NFU1: variants seen among roughly 807,000 people sequenced by gnomAD.
NFU1 encodes the protein NFU1 iron-sulfur cluster scaffold.
In NFU1, 30 loss-of-function variants were observed where a neutral mutation model predicts 32.2. The ratio of observed to expected loss-of-function variants is 0.93; its 90% CI spans 0.70 to 1.26. The LOEUF (loss-of-function observed/expected upper bound fraction) is 1.26, where lower values mean the gene tolerates loss of function less well. NFU1 is among the 50% of genes most tolerant of loss of function. The pLI is 0.00. For missense variants in NFU1, 306 were observed against 306.6 expected, an observed-to-expected ratio of 1.00 and a Z score of 0.02; for synonymous variants, 112 against 104.6, an observed-to-expected ratio of 1.07 and a Z score of -0.43.
At chr2:69,421,658 C>G (rs1046382785) in intron 3 of NFU1, among the ~76,000 whole-genome samples, 3 of 148,324 alleles carry the variant, frequency 2.0e-5, no homozygotes, top group African/African-American at 5.0e-5. Context: ...AGCTCTGCCT[C>G]CCGGGTTCAT....
At position 69,425,505 on chromosome 2, in the gene NFU1, C is replaced by T. The variant is rs551541600; in HGVS notation, c.167-1788G>A. Among the ~76,000 whole-genome samples, 175 of 151,960 alleles carry T rather than the reference C, an allele frequency of 1.2e-3. 2 individuals carry two copies. The highest frequency in any genetic ancestry group is 3.9e-3 in the African/African-American group (163 of 41,448). ...GAGTAGCTGGGATTATAGGCATGCA[C>T]CACCATGCCCGGCTAATTTTTGTAT... On this transcript the variant is annotated intron_variant, in intron 2 of 7. Transcript: ENST00000410022.
chr2:69,403,072 C>T lies in NFU1; in HGVS notation c.546-2534G>A, dbSNP rs112760094. Among the ~76,000 whole-genome samples, 147 of 148,870 alleles carry T rather than the reference C, an allele frequency of 9.9e-4. 2 individuals carry two copies. The highest frequency in any genetic ancestry group is 3.3e-3 in the African/African-American group (135 of 40,588). ...TTCTCTCTTTCTTTCATTGTAGAGA[C>T]GGGGTCTCACTATGTTGCCCAGGCT... On this transcript the variant is annotated intron_variant, in intron 6 of 7. Transcript: ENST00000410022.
At chr2:69,413,215 G>T (rs1672944667) in intron 5 of NFU1, among the ~76,000 whole-genome samples, 1 of 151,604 alleles carries the variant, frequency 6.6e-6, no homozygotes, top group Non-Finnish European at 1.5e-5. Flanking sequence ...AACCCAGGAG[G>T]TGGAGGTTGT....
upstream of NFU1, among the ~76,000 whole-genome samples, chr2:69,438,475 C>G (rs1202359120): frequency 2.0e-5 from 3 of 152,062 alleles, no homozygotes; most frequent in Admixed American, 6.5e-5. Context: ...CCTGTGTTGC[C>G]TGGGCTGCTC....
intron 7 of NFU1, among the ~76,000 whole-genome samples, chr2:69,398,665 T>C (rs1188131288): frequency 6.6e-6 from 1 of 152,222 alleles, no homozygotes; most frequent in Admixed American, 6.5e-5. Flanking sequence ...CCTCCTGGTA[T>C]ATAAGCCCTG....
chr2:69,423,792 T>G (rs916757651), intron 2 of NFU1, 75 bp from the exon 3 acceptor site: 1 of 1,099,070 alleles, frequency 9.1e-7, no homozygotes, highest in Non-Finnish European at 1.4e-6. Flanking sequence ...AGTGCTCATT[T>G]GCAGAGAATC....
In NFU1 at chr2:69,437,419, C is replaced by T. The variant is rs750378027; in HGVS notation, c.4G>A (p.Ala2Thr). ...CCCCAGCCCCGCCTGGCCGTCGCCG[C>T]CATCTTAGTCCGGAGTGCCTAAGGG... is the stretch of plus-strand genomic sequence containing the variant. The part of the protein sequence containing the change: M[A>T]ATARRGWGAA... Residue 2 changes from alanine (A) to threonine (T), a missense_variant, in exon 1 of 8, where the codon GCG (alanine) becomes ACG (threonine). Coordinates refer to ENST00000410022, the MANE Select transcript of NFU1 (RefSeq NM_001002755.4). 1 of 1,610,638 alleles carries T rather than the reference C, an allele frequency of 6.2e-7. No homozygotes were observed. Among genetic ancestry groups the T allele is most frequent in the South Asian group, 1.1e-5 (1 of 90,952 alleles).
At chr2:69,426,774 T>C (rs955415197) in intron 2 of NFU1, among the ~76,000 whole-genome samples, 1 of 151,984 alleles carries the variant, frequency 6.6e-6, no homozygotes. Context: ...TTATTCATTA[T>C]GAATAATCAT....
intron 2 of NFU1, among the ~76,000 whole-genome samples, chr2:69,428,987 C>T (rs1166993051): frequency 6.6e-6 from 1 of 152,092 alleles, no homozygotes; most frequent in Non-Finnish European, 1.5e-5. Context: ...TGTTTAAATC[C>T]TTTTTCTAAT....
At chr2:69,417,325 A>G (rs1185503937) in intron 4 of NFU1, among the ~76,000 whole-genome samples, 2 of 152,082 alleles carry the variant, frequency 1.3e-5, no homozygotes, top group Non-Finnish European at 2.9e-5. Context: ...AGAAAACAAA[A>G]TAAATCCAGT....
chr2:69,435,437 C>T (rs1174134011), intron 1 of NFU1, among the ~76,000 whole-genome samples: 1 of 152,186 alleles, frequency 6.6e-6, no homozygotes, highest in Non-Finnish European at 1.5e-5. Flanking sequence ...TTTTTTCTCT[C>T]TCTCACAAAA....
intron 4 of NFU1, among the ~76,000 whole-genome samples, chr2:69,418,358 C>CCA (rs1445364415): frequency 2.0e-5 from 3 of 152,026 alleles, no homozygotes; most frequent in Non-Finnish European, 4.4e-5. Flanking sequence ...TGAGATCATG[C>CCA]CACTGCACTC....
intron 2 of NFU1, among the ~76,000 whole-genome samples, chr2:69,424,878 CT>C (rs34708604): frequency 8.5e-4 from 113 of 133,670 alleles, no homozygotes; most frequent in East Asian, 3.2e-3. Context: ...GGGTCAAACG[CT>C]TTTTTTTTTT....
At chr2:69,400,628 A>G (rs1672493054) in intron 6 of NFU1, 90 bp from the exon 7 acceptor site, 3 of 1,087,428 alleles carry the variant, frequency 2.8e-6, no homozygotes, top group Admixed American at 4.0e-5. Flanking sequence ...TAAATTTTAT[A>G]TTAGTAAAAT....
rs764626299 is a variant in NFU1 at position 69,396,150 on chromosome 2, T to G, written c.*96A>C. 1.0e-6 allele frequency: 1 copy of G among 976,536 alleles called. No individual in the cohort carries two copies. Among genetic ancestry groups the G allele is most frequent in the South Asian group, 1.4e-5 (1 of 72,176 alleles). The allele number at this position is 976,536 out of a possible 1,614,324, so 60.5% of individuals were successfully genotyped here. On this transcript the variant is annotated 3_prime_UTR_variant, in exon 8 of 8. Transcript: ENST00000410022. The stretch of plus-strand genomic sequence containing the variant: ...ATATCATTCTCTGAAGAGCATATTT[T>G]ATTAATCTTCAAGTTCCTCAGCATA...
upstream of NFU1, among the ~76,000 whole-genome samples, chr2:69,439,092 CTCT>C (rs1673962427): frequency 6.6e-6 from 1 of 152,118 alleles, no homozygotes; most frequent in South Asian, 2.1e-4. Flanking sequence ...CTCTTCCACA[CTCT>C]TTTCTTCCCT....
chr2:69,402,215 G>C (rs775981827), intron 6 of NFU1, among the ~76,000 whole-genome samples: 1 of 152,046 alleles, frequency 6.6e-6, no homozygotes, highest in Admixed American at 6.6e-5. Context: ...CATCTTTTGC[G>C]AAGTACCTGC....
chr2:69,400,770 C>T (rs189873077), intron 6 of NFU1, among the ~76,000 whole-genome samples: 83 of 151,928 alleles, frequency 5.5e-4, no homozygotes, highest in East Asian at 1.4e-3. Flanking sequence ...CTCCGCTTAC[C>T]GCATTTGATC....
At chr2:69,437,496 C>G, upstream of NFU1, 1 of 1,552,950 alleles carries the variant, frequency 6.4e-7, no homozygotes, top group South Asian at 1.2e-5. Flanking sequence ...TGGCCGGTAG[C>G]TGGGCGGGCA....
Sources: allele counts gnomAD v4.1 joint callset (sites outside exome capture counted in the v4.1 genomes callset), GRCh38; gene constraint gnomAD v4.1.1; transcripts MANE v1.5; gene names NCBI Gene and HGNC (gene_info 2026-07-23, HGNC 2026-07-21).